The following GREB1 variants were observed in gnomAD, a reference collection of about 807,000 sequenced individuals.
The protein encoded by GREB1 is protein GREB1.
In GREB1, 106 loss-of-function variants were observed where a neutral mutation model predicts 200.7. The observed-to-expected ratio is 0.53, with a 90% CI of 0.45 to 0.62. The LOEUF is 0.62. GREB1 is among the 20% of genes least tolerant of loss of function. The pLI is 0.00. For synonymous variants in GREB1, 1,132 were observed against 1,092.4 expected, an observed-to-expected ratio of 1.04 and a Z score of -0.72; for missense variants, 2,243 against 2,556.8, an observed-to-expected ratio of 0.88 and a Z score of 2.65.
chr2:11,599,551 T>G (rs1249175898), intron 15 of GREB1, among the ~76,000 whole-genome samples: 1 of 138,174 alleles, frequency 7.2e-6, no homozygotes, highest in Admixed American at 7.3e-5. Flanking sequence ...ACAGAGTCTC[T>G]CTCTGTCGCC....
chr2:11,521,797 T>C (rs879714631), intron 1 of GREB1, among the ~76,000 whole-genome samples: 2 of 152,240 alleles, frequency 1.3e-5, no homozygotes, highest in Non-Finnish European at 2.9e-5. Flanking sequence ...GTGCCGTATT[T>C]AGAAATATTC....
intron 1 of GREB1, among the ~76,000 whole-genome samples, chr2:11,488,446 G>C (rs1175232844): frequency 6.6e-6 from 1 of 152,212 alleles, no homozygotes; most frequent in Non-Finnish European, 1.5e-5. Context: ...AGGACAGTGA[G>C]ATCTTTTGTT....
chr2:11,612,825 G>A (rs1386567093), intron 19 of GREB1, among the ~76,000 whole-genome samples: 2 of 152,242 alleles, frequency 1.3e-5, no homozygotes, highest in Non-Finnish European at 2.9e-5. Flanking sequence ...GAAAGGCGCT[G>A]TTTGGGCTCG....
intron 4 of GREB1, among the ~76,000 whole-genome samples, chr2:11,571,662 G>A (rs925676186): frequency 8.5e-5 from 13 of 152,208 alleles, no homozygotes; most frequent in Admixed American, 5.2e-4. Flanking sequence ...TTCCTAACAG[G>A]GACCATTTCT....
chr2:11,598,548 C>T, intron 14 of GREB1, 132 bp from the exon 15 acceptor site: 1 of 817,702 alleles, frequency 1.2e-6, no homozygotes, highest in South Asian at 1.7e-5. Context: ...TTTTCCCTTC[C>T]TTTCCCTGCT....
At chr2:11,515,245 C>A (rs1315531957) in intron 1 of GREB1, among the ~76,000 whole-genome samples, 1 of 152,096 alleles carries the variant, frequency 6.6e-6, no homozygotes, top group Non-Finnish European at 1.5e-5. Flanking sequence ...CTGAACAGTA[C>A]AACATACCAG....
At chr2:11,541,849 C>T (rs1414629820) in intron 1 of GREB1, among the ~76,000 whole-genome samples, 1 of 152,206 alleles carries the variant, frequency 6.6e-6, no homozygotes, top group Non-Finnish European at 1.5e-5. Context: ...CCCAGGCACA[C>T]AATAGGTGTC....
At chr2:11,515,927 C>T (rs1673483107) in intron 1 of GREB1, among the ~76,000 whole-genome samples, 1 of 152,198 alleles carries the variant, frequency 6.6e-6, no homozygotes, top group Non-Finnish European at 1.5e-5. Flanking sequence ...CAGATTTAGC[C>T]AGGCAAGACA....
chr2:11,589,709 T>C (rs1680537493), intron 10 of GREB1, among the ~76,000 whole-genome samples: 1 of 152,200 alleles, frequency 6.6e-6, no homozygotes, highest in African/African-American at 2.4e-5. Flanking sequence ...TTGTTGCCTA[T>C]TAAAGGCACA....
intron 1 of GREB1, chr2:11,540,622 G>A (rs1674656298): frequency 6.5e-6 from 1 of 154,658 alleles, no homozygotes; most frequent in Non-Finnish European, 1.5e-5. Context: ...GGCAGTCTGA[G>A]TTGGAGAGAC....
At position 11,548,437 on chromosome 2, in the gene GREB1, T is replaced by C. The variant is rs780541143; in HGVS notation, c.-161-8017T>C. On this transcript the variant is annotated intron_variant, in intron 1 of 32. Transcript: ENST00000381486. This position sits in a 1 kb window ranked among gnomAD's most constrained non-coding sequence, Gnocchi z 5.1. ...CCCTTTTCTCATTCTTCCAAAATAG[T>C]TATATCAAAACTTTGTTTGAATCAG... Among the ~76,000 whole-genome samples the C allele has an allele frequency of 6.6e-6, 1 of 152,186 alleles. No homozygotes were observed. The highest frequency in any genetic ancestry group is 1.5e-5 in the Non-Finnish European group (1 of 68,034).
chr2:11,576,707 TTGACAG>T (rs570198950), intron 5 of GREB1, among the ~76,000 whole-genome samples, 172 bp downstream of exon 5: 19 of 152,200 alleles, frequency 1.2e-4, no homozygotes, highest in Non-Finnish European at 2.1e-4. Flanking sequence ...GTTAAGCTGG[TTGACAG>T]TGACAGTCTA....
intron 20 of GREB1, among the ~76,000 whole-genome samples, chr2:11,615,701 C>A (rs896045330): frequency 4.6e-5 from 7 of 152,350 alleles, no homozygotes; most frequent in Non-Finnish European, 1.0e-4. Flanking sequence ...ATCAACCCAA[C>A]AGCGTGCTGT....
At position 11,641,518 on chromosome 2, in the gene GREB1, C is replaced by G. The variant is rs1685809008; in HGVS notation, c.*1064C>G. 1 of 114,720 alleles carries G rather than the reference C, an allele frequency of 8.7e-6. No individual in the cohort carries two copies. The highest frequency in any genetic ancestry group is 9.6e-5 in the Admixed American group (1 of 10,448). 7.1% of individuals were successfully genotyped at this position (114,720 alleles called of 1,614,324 possible). A position where few individuals can be genotyped will look rare whatever the true frequency, so the allele number is the denominator to read the frequency against. Reference sequence around the variant, plus strand: ...GTTTTGTTTTTGAGATGGACTCTAGCTCTGTCACCCAGGCTGGAGTGCAGT... The same window carrying G: ...GTTTTGTTTTTGAGATGGACTCTAGGTCTGTCACCCAGGCTGGAGTGCAGT... On this transcript the variant is annotated 3_prime_UTR_variant, in exon 33 of 33. Transcript: ENST00000381486.
chr2:11,516,710 C>T (rs769216538), intron 1 of GREB1, among the ~76,000 whole-genome samples: 1 of 152,200 alleles, frequency 6.6e-6, no homozygotes, highest in Non-Finnish European at 1.5e-5. Flanking sequence ...TTCCTGACTC[C>T]CTGCAGGATA....
At position 11,632,072 on chromosome 2, in the gene GREB1, T is replaced by C; in HGVS notation, c.4775T>C (p.Ile1592Thr). 1 of 1,614,026 alleles carries C rather than the reference T, an allele frequency of 6.2e-7. No homozygotes were observed. The highest frequency in any genetic ancestry group is 8.5e-7 in the Non-Finnish European group (1 of 1,179,958). Residue 1592 changes from isoleucine to threonine, a missense_variant, in exon 27 of 33, where the codon ATC becomes ACC. Ile to Thr is a moderately conservative substitution (Grantham distance 89). Transcript: ENST00000381486. The stretch of plus-strand genomic sequence containing the variant: ...TATAAGAAATATTGGCCCAACCACA[T>C]CATGCTGGTGCTCCCCAGTATCTTC... ...AIYKKYWPNH[I>T]MLVLPSIFNS...
intron 16 of GREB1, among the ~76,000 whole-genome samples, chr2:11,601,349 C>T (rs890359485): frequency 1.3e-4 from 20 of 152,306 alleles, no homozygotes; most frequent in South Asian, 4.1e-4. Context: ...TACAGAGCAA[C>T]GCTTAATGTC....
intron 1 of GREB1, among the ~76,000 whole-genome samples, chr2:11,498,622 G>A (rs1672950310): frequency 6.6e-6 from 1 of 152,220 alleles, no homozygotes; most frequent in East Asian, 1.9e-4. Context: ...AGCCAAGCTG[G>A]CCAGGTGATG....
intron 3 of GREB1, among the ~76,000 whole-genome samples, chr2:11,566,228 G>C: frequency 6.6e-6 from 1 of 152,102 alleles, no homozygotes; most frequent in Non-Finnish European, 1.5e-5. Flanking sequence ...CATTGGCCAG[G>C]CTGGTCTTGA....
Sources: allele counts gnomAD v4.1 joint callset (sites outside exome capture counted in the v4.1 genomes callset), GRCh38; gene constraint gnomAD v4.1.1; non-coding constraint Gnocchi (gnomAD v3.1); transcripts MANE v1.5; gene names NCBI Gene and HGNC (gene_info 2026-07-23, HGNC 2026-07-21).